The following PPP1R12A variants were observed in gnomAD, a reference collection of about 807,000 sequenced individuals.
The protein encoded by PPP1R12A is protein phosphatase 1 regulatory subunit 12A, also known as myosin binding subunit.
A neutral mutation model predicts 139.6 loss-of-function variants in PPP1R12A; 19 were observed. The ratio of observed to expected loss-of-function variants is 0.14; its 90% confidence interval spans 0.09 to 0.20. The LOEUF is 0.20. Among genes scored for constraint, PPP1R12A ranks in the 10% least tolerant of loss-of-function variants. PPP1R12A has a pLI of 1.00. For synonymous variants in PPP1R12A, 427 were observed against 420.6 expected, an observed-to-expected ratio of 1.02 and a Z score of -0.19; for missense variants, 925 against 1,211.5, an observed-to-expected ratio of 0.76 and a Z score of 3.51.
At position 79,788,749 on chromosome 12, in the gene PPP1R12A, A is replaced by G. The variant is rs751278586; in HGVS notation, c.2701T>C (p.Tyr901His). ...CCAGAGCGACCCAGCAAGGAATCAT[A>G]TCGATCACCAGCTGATGTAGAACTG... ...ETSSTSAGDR[Y>H]DSLLGRSGSY... The change falls in exon 21 of 25, where the codon TAT becomes CAT. Residue 901 changes from tyrosine (Y) to histidine (H), a missense_variant. Coordinates refer to ENST00000450142, the MANE Select transcript of PPP1R12A (RefSeq NM_002480.3). 62 of 1,612,092 alleles carry G rather than the reference A, an allele frequency of 3.8e-5. 1 individual carries two copies. The South Asian group carries it at 6.5e-4, about 17-fold the overall frequency.
At chr12:79,823,163 T>C (rs925924206) in intron 5 of PPP1R12A, among the ~76,000 whole-genome samples, 8 of 152,152 alleles carry the variant, frequency 5.3e-5, no homozygotes, top group African/African-American at 4.8e-5. Context: ...AGTAAGAATA[T>C]TTCCTGCTGC....
At chr12:79,795,002 C>A (rs1872347857) in intron 18 of PPP1R12A, among the ~76,000 whole-genome samples, 1 of 152,046 alleles carries the variant, frequency 6.6e-6, no homozygotes, top group South Asian at 2.1e-4. Context: ...ATCTACACTG[C>A]TGTTTTTATT....
intron 20 of PPP1R12A, chr12:79,789,542 A>C (rs77972424): frequency 1.2e-5 from 5 of 407,404 alleles, no homozygotes; most frequent in South Asian, 9.2e-5. Flanking sequence ...CAGGAAAAAC[A>C]TATCTTACTG....
chr12:79,884,714 T>C (rs1409673581), intron 1 of PPP1R12A, among the ~76,000 whole-genome samples: 1 of 152,210 alleles, frequency 6.6e-6, no homozygotes, highest in East Asian at 1.9e-4. Flanking sequence ...TGACATGGTT[T>C]ACCTTCAAGT....
At chr12:79,921,480 T>G (rs1439083470) in intron 1 of PPP1R12A, among the ~76,000 whole-genome samples, 1 of 152,214 alleles carries the variant, frequency 6.6e-6, no homozygotes, top group Admixed American at 6.5e-5. Context: ...AAACATCTGC[T>G]GATAAGTTAC....
At chr12:79,889,027 G>A (rs184067511) in intron 1 of PPP1R12A, among the ~76,000 whole-genome samples, 2 of 152,294 alleles carry the variant, frequency 1.3e-5, no homozygotes, top group Admixed American at 6.5e-5. Flanking sequence ...GTTCTGGTAA[G>A]TGTAAAACTG....
intron 8 of PPP1R12A, chr12:79,819,348 CTT>C (rs1368942653): frequency 2.0e-5 from 3 of 152,144 alleles, no homozygotes; most frequent in African/African-American, 7.2e-5. Flanking sequence ...CCTAAGGTCT[CTT>C]GTTTGTTTTA....
chr12:79,901,003 G>A (rs1885588254), intron 1 of PPP1R12A, among the ~76,000 whole-genome samples: 1 of 152,132 alleles, frequency 6.6e-6, no homozygotes, highest in Non-Finnish European at 1.5e-5. Context: ...CAGGTACTAT[G>A]TTAGGTGAGA....
At chr12:79,810,043 AAG>A (rs1565752206) in intron 9 of PPP1R12A, 33 bp from the exon 10 acceptor site, 1 of 1,499,950 alleles carries the variant, frequency 6.7e-7, no homozygotes, top group South Asian at 1.2e-5. Flanking sequence ...GAAAAGAAAA[AAG>A]AATTTGTAAA....
At chr12:79,862,096 T>C (rs1004558587) in intron 2 of PPP1R12A, among the ~76,000 whole-genome samples, 8 of 152,102 alleles carry the variant, frequency 5.3e-5, no homozygotes, top group African/African-American at 1.9e-4. Flanking sequence ...GGGGTGCCCT[T>C]CTAGGACAAA....
intron 14 of PPP1R12A, among the ~76,000 whole-genome samples, chr12:79,799,377 T>TGACCTCAAGTGATCTGCCTGTCTC (rs1335190163): frequency 6.6e-6 from 1 of 152,182 alleles, no homozygotes; most frequent in Admixed American, 6.5e-5. Flanking sequence ...CTCGAACTCC[T>TGACCTCAAGTGATCTGCCTGTCTC]GACCTCAAGT....
chr12:79,893,310 A>G, intron 1 of PPP1R12A, among the ~76,000 whole-genome samples: 1 of 151,990 alleles, frequency 6.6e-6, no homozygotes, highest in African/African-American at 2.4e-5. Context: ...ACTGCCTCCC[A>G]CTATTTTCGG....
At chr12:79,800,390 T>C (rs369788037) in intron 14 of PPP1R12A, among the ~76,000 whole-genome samples, 2 of 152,066 alleles carry the variant, frequency 1.3e-5, no homozygotes, top group Non-Finnish European at 2.9e-5. Context: ...AATACAATTT[T>C]CTTCCTTATG....
chr12:79,820,033 TG>T (rs1360035697), intron 8 of PPP1R12A, among the ~76,000 whole-genome samples: 4 of 148,414 alleles, frequency 2.7e-5, no homozygotes, highest in African/African-American at 7.3e-5. Context: ...TCCTACCATA[TG>T]AAAAAAACAC....
intron 1 of PPP1R12A, among the ~76,000 whole-genome samples, chr12:79,928,449 T>C (rs1377957267): frequency 2.0e-5 from 3 of 152,234 alleles, no homozygotes; most frequent in African/African-American, 7.2e-5. Context: ...GGGTTTTATT[T>C]GTTTGTTTAG....
In PPP1R12A at chr12:79,806,337, AAC is replaced by A. The variant is rs1426282029; in HGVS notation, c.1656-6_1656-5del. 1 of 1,611,304 alleles carries A rather than the reference AAC, an allele frequency of 6.2e-7. No homozygotes were observed. The highest frequency in any genetic ancestry group is 8.5e-7 in the Non-Finnish European group (1 of 1,177,606). On this transcript the variant is annotated splice_region_variant and splice_polypyrimidine_tract_variant and intron_variant, in intron 12 of 24. Coordinates refer to ENST00000450142, the MANE Select transcript of PPP1R12A (RefSeq NM_002480.3). Reference sequence around the variant, plus strand: ...TTGTCTTCTACCAAAGGAGCAACTAAACAAAAGAGTCATATCTATATAGGATG... The same window carrying A: ...TTGTCTTCTACCAAAGGAGCAACTAAAAAAGAGTCATATCTATATAGGATG...
chr12:79,919,585 C>G (rs144989657), intron 1 of PPP1R12A, among the ~76,000 whole-genome samples: 2,149 of 152,032 alleles, frequency 0.014, 15 homozygotes, highest in Non-Finnish European at 0.021. Context: ...CTCCCCTCCC[C>G]CAATCTAGGT....
intron 1 of PPP1R12A, among the ~76,000 whole-genome samples, chr12:79,903,863 C>T (rs770418230): frequency 2.2e-4 from 33 of 152,130 alleles, no homozygotes; most frequent in Non-Finnish European, 4.3e-4. Flanking sequence ...GTCTAGCTGA[C>T]CCATTTTTCC....
intron 1 of PPP1R12A, among the ~76,000 whole-genome samples, chr12:79,885,405 ATAT>A (rs1203908217): frequency 3.9e-5 from 6 of 152,268 alleles, no homozygotes; most frequent in South Asian, 2.1e-4. Flanking sequence ...TCTCCTTTTT[ATAT>A]TATTATTCTA....
Sources: gnomAD v4.1 joint callset for allele counts (sites outside exome capture counted in the v4.1 genomes callset) on GRCh38, gnomAD v4.1.1 for gene constraint, MANE v1.5 for transcripts, NCBI Gene and HGNC (gene_info 2026-07-23, HGNC 2026-07-21) for gene names.